Variants in MAGI2 observed in about 807,000 individuals in gnomAD.
MAGI2 encodes membrane associated guanylate kinase, WW and PDZ domain containing 2.
Under a neutral mutation model 133.3 loss-of-function variants are expected in MAGI2, and 35 were observed. The ratio of observed to expected loss-of-function variants is 0.26; its 90% CI spans 0.20 to 0.35. MAGI2 has a LOEUF of 0.35. MAGI2 is among the 10% of genes least tolerant of loss of function. The pLI is 1.00. For synonymous variants in MAGI2, 729 were observed against 710.6 expected (o/e 1.03, Z -0.41); for missense variants, 1,636 against 1,863.4 (o/e 0.88, Z 2.25).
intron 2 of MAGI2, among the ~76,000 whole-genome samples, chr7:78,996,862 CA>C (rs1299557868): frequency 6.6e-6 from 1 of 151,984 alleles, no homozygotes; most frequent in Non-Finnish European, 1.5e-5. Context: ...TTTAGAGAAG[CA>C]AAATTAAAAG....
chr7:79,300,843 C>T (rs561306550), intron 1 of MAGI2, among the ~76,000 whole-genome samples: 3 of 152,310 alleles, frequency 2.0e-5, no homozygotes, highest in Admixed American at 6.5e-5. Context: ...CAGGGCCCTG[C>T]TGCTCTGTGC....
chr7:79,310,337 T>C (rs1000634728), intron 1 of MAGI2, among the ~76,000 whole-genome samples: 1 of 152,102 alleles, frequency 6.6e-6, no homozygotes, highest in African/African-American at 2.4e-5. Context: ...GCATTTATTA[T>C]TGAAGCAACC....
At chr7:78,202,842 T>G (rs902145257) in intron 10 of MAGI2, among the ~76,000 whole-genome samples, 1 of 152,198 alleles carries the variant, frequency 6.6e-6, no homozygotes, top group Admixed American at 6.5e-5. Flanking sequence ...TGCTGTTCAC[T>G]ATTTCTCTTT....
Position 78,728,854 on chromosome 7 carries a change from C to T in MAGI2, c.419-101615G>A, listed in dbSNP as rs1192253440. ...TGCTGGGATTACAGGCGTGAGCCAC[C>T]GCGCCCGGCCCCATCTTTCTCTGAT... On this transcript the variant is annotated intron_variant, in intron 2 of 21. Coordinates refer to ENST00000354212, the MANE Select transcript of MAGI2 (RefSeq NM_012301.4). Among the ~76,000 whole-genome samples, 5 of 124,316 alleles carry T rather than the reference C, an allele frequency of 4.0e-5. 1 individual carries two copies. The highest frequency in any genetic ancestry group is 1.4e-4 in the African/African-American group (5 of 36,078). 81.6% of individuals were successfully genotyped at this position (124,316 alleles called of 152,430 possible).
At chr7:78,814,357 GTATGT>G (rs1484812541) in intron 2 of MAGI2, among the ~76,000 whole-genome samples, 1 of 152,148 alleles carries the variant, frequency 6.6e-6, no homozygotes, top group Non-Finnish European at 1.5e-5. Context: ...GGTATAATCT[GTATGT>G]TCACTGACAT....
At chr7:78,627,777 C>T (rs1808529648) in intron 2 of MAGI2, among the ~76,000 whole-genome samples, 2 of 152,064 alleles carry the variant, frequency 1.3e-5, no homozygotes, top group Non-Finnish European at 2.9e-5. Context: ...TTTAAAGGAT[C>T]GCAAAACCTT....
intron 2 of MAGI2, among the ~76,000 whole-genome samples, chr7:78,833,660 C>G (rs1029441951): frequency 2.6e-5 from 4 of 152,164 alleles, no homozygotes; most frequent in Non-Finnish European, 5.9e-5. Context: ...CCTCACACAG[C>G]CCTCTCTGTT....
intron 1 of MAGI2, among the ~76,000 whole-genome samples, chr7:79,195,471 C>T (rs1436581710): frequency 6.6e-6 from 1 of 151,952 alleles, no homozygotes. Context: ...TGAAAGTGTG[C>T]TAAAAAGGAA....
rs140437884 is a variant in MAGI2 at position 78,460,244 on chromosome 7, TGA to T, written c.1045+29515_1045+29516del. On this transcript the variant is annotated intron_variant, in intron 6 of 21. Transcript: ENST00000354212. ...CTGCTGGCAGATCACAGAAAACAAC[TGA>T]GTGCGCGAATCAATGTAGTGAGGTA... 3.3e-4 allele frequency among the ~76,000 whole-genome samples: 51 copies of T among 152,320 alleles called. No individual in the cohort carries two copies. In the East Asian group the frequency reaches 9.4e-3, roughly 28 times the overall value.
At chr7:79,203,216 T>C (rs1828764379) in intron 1 of MAGI2, among the ~76,000 whole-genome samples, 1 of 152,088 alleles carries the variant, frequency 6.6e-6, no homozygotes, top group African/African-American at 2.4e-5. Context: ...TGGATATAGA[T>C]TACTCACTGC....
chr7:78,102,260 A>C (rs1375756458), intron 20 of MAGI2, among the ~76,000 whole-genome samples: 2 of 152,204 alleles, frequency 1.3e-5, no homozygotes, highest in East Asian at 3.9e-4. Flanking sequence ...AAGATGAATA[A>C]GTTCTAGAGA....
intron 1 of MAGI2, among the ~76,000 whole-genome samples, chr7:79,274,765 T>C (rs1016122754): frequency 2.0e-5 from 3 of 152,172 alleles, no homozygotes; most frequent in African/African-American, 7.2e-5. Flanking sequence ...ATCAGTGCCA[T>C]TTTTCCAACA....
At chr7:78,483,179 T>G (rs568036503) in intron 6 of MAGI2, among the ~76,000 whole-genome samples, 10 of 151,980 alleles carry the variant, frequency 6.6e-5, no homozygotes, top group Admixed American at 6.6e-4. Context: ...TCTTGTGAAT[T>G]TATAATTATT....
intron 1 of MAGI2, among the ~76,000 whole-genome samples, chr7:79,050,073 A>T (rs1201338999): frequency 1.3e-5 from 2 of 152,276 alleles, no homozygotes; most frequent in African/African-American, 4.8e-5. Context: ...GTTCCTTCAA[A>T]GGTGATTTAA....
At chr7:78,391,924 G>A (rs1432330289) in intron 6 of MAGI2, among the ~76,000 whole-genome samples, 1 of 152,178 alleles carries the variant, frequency 6.6e-6, no homozygotes, top group Non-Finnish European at 1.5e-5. Context: ...AGTGATTGTG[G>A]GAAGAATGAA....
At chr7:79,264,337 C>A (rs963799850) in intron 1 of MAGI2, among the ~76,000 whole-genome samples, 2 of 152,132 alleles carry the variant, frequency 1.3e-5, no homozygotes, top group African/African-American at 4.8e-5. Context: ...ATTCAGTCAA[C>A]AATTAACTCA....
At chr7:78,925,345 T>C (rs2151643846) in intron 2 of MAGI2, among the ~76,000 whole-genome samples, 1 of 152,224 alleles carries the variant, frequency 6.6e-6, no homozygotes, top group East Asian at 1.9e-4. Flanking sequence ...AGGTTACAGA[T>C]ATTTGATATA....
chr7:79,103,845 G>A lies in MAGI2; in HGVS notation c.302-96639C>T, dbSNP rs929004309. ...CTCCCGAGTAGCTGGGACTACAGGC[G>A]CCCGCCACCACACCTGGCTAATTTT... On this transcript the variant is annotated intron_variant, in intron 1 of 21. Coordinates refer to ENST00000354212, the MANE Select transcript of MAGI2 (RefSeq NM_012301.4). Among the ~76,000 whole-genome samples, 7 of 148,156 alleles carry A rather than the reference G, an allele frequency of 4.7e-5. No homozygotes were observed. In the East Asian group the frequency reaches 7.9e-4, roughly 17 times the overall value.
At chr7:78,677,597 T>G (rs1815184563) in intron 2 of MAGI2, among the ~76,000 whole-genome samples, 1 of 152,120 alleles carries the variant, frequency 6.6e-6, no homozygotes, top group Non-Finnish European at 1.5e-5. Context: ...TGCAAGGCTT[T>G]GTGTTTGATG....
Sources: allele counts gnomAD v4.1 joint callset (sites outside exome capture counted in the v4.1 genomes callset), GRCh38; gene constraint gnomAD v4.1.1; transcripts MANE v1.5; gene names NCBI Gene and HGNC (gene_info 2026-07-23, HGNC 2026-07-21).